Variants in CDKAL1 observed in about 807,000 individuals in gnomAD.
CDKAL1 encodes threonylcarbamoyladenosine tRNA methylthiotransferase.
A neutral mutation model predicts 68.2 loss-of-function variants in CDKAL1; 32 were observed. That is an observed-to-expected ratio of 0.47 (90% CI 0.35 to 0.63). The LOEUF is 0.63. Among genes scored for constraint, CDKAL1 ranks in the 30% least tolerant of loss-of-function variants. The probability of loss-of-function intolerance (pLI) is 0.00; values close to 1 mark genes in which losing one functional copy is unlikely to be tolerated. For synonymous variants in CDKAL1, 234 were observed against 244.3 expected, an observed-to-expected ratio of 0.96 and a Z score of 0.39; for missense variants, 606 against 696.7, an observed-to-expected ratio of 0.87 and a Z score of 1.47.
Position 20,662,076 on chromosome 6 carries a change from A to C in CDKAL1, c.371+12699A>C, listed in dbSNP as rs148088133. On this transcript the variant is annotated intron_variant, in intron 5 of 15. Coordinates refer to ENST00000274695, the MANE Select transcript of CDKAL1 (RefSeq NM_017774.3). ...TTATTCTTGGTGTGTGTGTTTATAT[A>C]ACAGCAGAGAAAAAAAGGCTCTTGT... Among the ~76,000 whole-genome samples the C allele has an allele frequency of 1.8e-3, 280 of 152,286 alleles. 3 individuals are homozygous for C. Among genetic ancestry groups the C allele is most frequent in the African/African-American group, 6.5e-3 (272 of 41,572 alleles).
intron 12 of CDKAL1, among the ~76,000 whole-genome samples, chr6:21,073,563 T>C (rs574856413): frequency 9.2e-5 from 14 of 152,340 alleles, no homozygotes; most frequent in African/African-American, 3.4e-4. Flanking sequence ...TAATGGTATC[T>C]CACTGTAGTT....
intron 13 of CDKAL1, among the ~76,000 whole-genome samples, chr6:21,178,136 A>G (rs1208933241): frequency 2.0e-5 from 3 of 150,348 alleles, no homozygotes; most frequent in Admixed American, 2.0e-4. Flanking sequence ...CATAAGGCAC[A>G]GGAGAAGATG....
intron 11 of CDKAL1, among the ~76,000 whole-genome samples, chr6:21,005,142 A>T (rs184149556): frequency 6.6e-6 from 1 of 152,236 alleles, no homozygotes; most frequent in African/African-American, 2.4e-5. Context: ...TTACTTCCCA[A>T]TTCAATGATT....
intron 11 of CDKAL1, among the ~76,000 whole-genome samples, chr6:21,056,406 A>G (rs1052098506): frequency 6.6e-6 from 1 of 151,866 alleles, no homozygotes; most frequent in Non-Finnish European, 1.5e-5. Flanking sequence ...TTGTTTATTG[A>G]GTTAAGAGGT....
At chr6:20,591,961 T>C (rs999508027) in intron 4 of CDKAL1, among the ~76,000 whole-genome samples, 2 of 152,256 alleles carry the variant, frequency 1.3e-5, no homozygotes. Context: ...TTACTTTGGA[T>C]AGTATGGCCA....
intron 9 of CDKAL1, among the ~76,000 whole-genome samples, chr6:20,916,396 G>A (rs1016602086): frequency 6.6e-6 from 1 of 152,164 alleles, no homozygotes; most frequent in African/African-American, 2.4e-5. Flanking sequence ...GAAGGATGGA[G>A]GAAGAATTGA....
intron 9 of CDKAL1, among the ~76,000 whole-genome samples, chr6:20,919,467 G>A (rs1376490824): frequency 6.6e-6 from 1 of 152,124 alleles, no homozygotes; most frequent in East Asian, 1.9e-4. Flanking sequence ...GTGCCATGGT[G>A]GTTTGCTGCA....
chr6:20,748,199 A>G (rs1581499714), intron 6 of CDKAL1, among the ~76,000 whole-genome samples: 1 of 152,202 alleles, frequency 6.6e-6, no homozygotes, highest in African/African-American at 2.4e-5. Context: ...ATTACAGTCT[A>G]AAGCCATTGT....
intron 10 of CDKAL1, among the ~76,000 whole-genome samples, chr6:20,964,986 G>A (rs1765232347): frequency 6.6e-6 from 1 of 152,144 alleles, no homozygotes; most frequent in Admixed American, 6.5e-5. Context: ...AAGATGATGA[G>A]TGAAAAGGCC....
chr6:20,809,121 CTG>C (rs1410681684), intron 8 of CDKAL1, among the ~76,000 whole-genome samples: 1 of 152,130 alleles, frequency 6.6e-6, no homozygotes, highest in Admixed American at 6.5e-5. Context: ...ATAACAAAAT[CTG>C]TGATCTTTTT....
chr6:20,577,062 A>G (rs1217333747), intron 4 of CDKAL1, among the ~76,000 whole-genome samples: 1 of 152,094 alleles, frequency 6.6e-6, no homozygotes, highest in Non-Finnish European at 1.5e-5. Context: ...ATACACTCCT[A>G]TTACAAGAGG....
chr6:21,146,738 C>G (rs1562070252), intron 13 of CDKAL1, among the ~76,000 whole-genome samples: 1 of 150,990 alleles, frequency 6.6e-6, no homozygotes, highest in Non-Finnish European at 1.5e-5. Context: ...GTAGTCCCAG[C>G]TACTTGGGAG....
chr6:21,035,680 A>G (rs1316374593), intron 11 of CDKAL1, among the ~76,000 whole-genome samples: 1 of 152,130 alleles, frequency 6.6e-6, no homozygotes, highest in Non-Finnish European at 1.5e-5. Context: ...TCACTTATTG[A>G]AGTTCAAAGT....
chr6:20,596,135 G>A (rs1184445370), intron 4 of CDKAL1, among the ~76,000 whole-genome samples: 4 of 152,200 alleles, frequency 2.6e-5, no homozygotes, highest in Non-Finnish European at 4.4e-5. Flanking sequence ...GGAGGCACGA[G>A]GATCAGGGAC....
chr6:20,651,873 A>G (rs1768785773), intron 5 of CDKAL1, among the ~76,000 whole-genome samples: 1 of 152,186 alleles, frequency 6.6e-6, no homozygotes, highest in South Asian at 2.1e-4. Flanking sequence ...ACATATGTTG[A>G]ACCAGCCTCG....
intron 8 of CDKAL1, among the ~76,000 whole-genome samples, chr6:20,843,326 C>A (rs942498148): frequency 1.3e-5 from 2 of 151,908 alleles, no homozygotes; most frequent in Non-Finnish European, 2.9e-5. Context: ...TCTTCCCCTG[C>A]CCTTTCCCCC....
chr6:21,185,305 T>C (rs961562925), intron 13 of CDKAL1, among the ~76,000 whole-genome samples: 5 of 152,080 alleles, frequency 3.3e-5, no homozygotes, highest in Admixed American at 2.6e-4. Context: ...GAATTGAAAA[T>C]TGTTTGGACT....
intron 13 of CDKAL1, among the ~76,000 whole-genome samples, chr6:21,136,751 A>G (rs1477934682): frequency 6.6e-6 from 1 of 152,220 alleles, no homozygotes; most frequent in Non-Finnish European, 1.5e-5. Context: ...GATGGTCCCA[A>G]GGTACCTTTT....
At chr6:21,156,828 T>C (rs1025025196) in intron 13 of CDKAL1, among the ~76,000 whole-genome samples, 1 of 152,136 alleles carries the variant, frequency 6.6e-6, no homozygotes, top group Non-Finnish European at 1.5e-5. Flanking sequence ...GCTGCTGTGG[T>C]TGCTTTGGCA....
Sources: gnomAD v4.1 joint callset for allele counts (sites outside exome capture counted in the v4.1 genomes callset) on GRCh38, gnomAD v4.1.1 for gene constraint, MANE v1.5 for transcripts, NCBI Gene and HGNC (gene_info 2026-07-23, HGNC 2026-07-21) for gene names.